The following PEX5L variants were observed in gnomAD, a reference collection of about 807,000 sequenced individuals.
PEX5L encodes peroxisomal biogenesis factor 5 like.
In PEX5L, 30 loss-of-function variants were observed where a neutral mutation model predicts 84.0. That is an observed-to-expected ratio of 0.36 (90% CI 0.27 to 0.48). The LOEUF is 0.48. PEX5L is among the 20% of genes least tolerant of loss of function. The pLI, the probability that PEX5L is intolerant of heterozygous loss-of-function variation, is 0.99. For missense variants in PEX5L, 533 were observed against 754.6 expected (o/e 0.71, Z 3.44); for synonymous variants, 270 against 283.1 (o/e 0.95, Z 0.46).
chr3:179,906,756 A>C (rs1040859979), intron 2 of PEX5L, among the ~76,000 whole-genome samples: 4 of 152,216 alleles, frequency 2.6e-5, no homozygotes, highest in African/African-American at 9.6e-5. Context: ...TGACTAAAAT[A>C]CAAAGATATA....
intron 7 of PEX5L, among the ~76,000 whole-genome samples, chr3:179,862,827 TA>T (rs569268957): frequency 2.0e-5 from 3 of 151,370 alleles, no homozygotes; most frequent in East Asian, 1.9e-4. Flanking sequence ...TCCACAGAAA[TA>T]AAAAAAAATC....
chr3:179,961,380 T>C (rs770651055), intron 2 of PEX5L, among the ~76,000 whole-genome samples: 11 of 149,824 alleles, frequency 7.3e-5, no homozygotes, highest in Non-Finnish European at 1.3e-4. Flanking sequence ...AAAAAACAGG[T>C]TTGCAAGAAC....
intron 2 of PEX5L, among the ~76,000 whole-genome samples, chr3:179,915,615 T>C (rs1253177442): frequency 6.6e-6 from 1 of 152,116 alleles, no homozygotes; most frequent in Non-Finnish European, 1.5e-5. Flanking sequence ...GTAGAGAGCA[T>C]TTTCTGACTT....
At chr3:179,992,469 A>G (rs1380926651) in intron 1 of PEX5L, among the ~76,000 whole-genome samples, 1 of 152,228 alleles carries the variant, frequency 6.6e-6, no homozygotes, top group African/African-American at 2.4e-5. Context: ...TTTAGCGGTT[A>G]GCATAATTAT....
At chr3:179,989,105 T>C (rs1406014682) in intron 1 of PEX5L, among the ~76,000 whole-genome samples, 2 of 152,158 alleles carry the variant, frequency 1.3e-5, no homozygotes, top group Non-Finnish European at 2.9e-5. Flanking sequence ...AAATCCGTGG[T>C]AGGGATAATT....
At chr3:179,985,261 A>G (rs964565176) in intron 1 of PEX5L, among the ~76,000 whole-genome samples, 4 of 152,232 alleles carry the variant, frequency 2.6e-5, no homozygotes, top group East Asian at 1.9e-4. Context: ...GCATAACAAC[A>G]TAACTCTGTA....
rs7618899 is a variant in PEX5L at position 180,029,280 on chromosome 3, C to T, written c.21+7299G>A. 3.1e-3 allele frequency among the ~76,000 whole-genome samples: 476 copies of T among 152,256 alleles called. 2 individuals are homozygous for T. The highest frequency in any genetic ancestry group is 0.011 in the African/African-American group (451 of 41,524). Reference sequence around the variant, plus strand: ...CTGACCTCAAGTGATCCACCTGACTCAGCCTCCCAAAGTGCTGGGATTAGA... The same window carrying T: ...CTGACCTCAAGTGATCCACCTGACTTAGCCTCCCAAAGTGCTGGGATTAGA... On this transcript the variant is annotated intron_variant, in intron 1 of 14. Transcript: ENST00000467460.
In PEX5L at chr3:179,807,668, C is replaced by G; in HGVS notation, c.1676+6G>C. ...CCTTCATCCTTGGCCTGTTGCTGTA[C>G]TTCACCTGTAGGCGCCCAGGTTGAT... On this transcript the variant is annotated splice_donor_region_variant and intron_variant, in intron 14 of 14. Coordinates refer to ENST00000467460, the MANE Select transcript of PEX5L (RefSeq NM_016559.3). 1.2e-6 allele frequency: 2 copies of G among 1,613,558 alleles called. No homozygotes were observed. The highest frequency in any genetic ancestry group is 1.6e-4 in the Middle Eastern group (1 of 6,062).
At chr3:180,021,675 C>T (rs1191439697) in intron 1 of PEX5L, among the ~76,000 whole-genome samples, 2 of 152,112 alleles carry the variant, frequency 1.3e-5, no homozygotes, top group African/African-American at 4.8e-5. Context: ...GTAGGCCTTA[C>T]GGAAGTTGGT....
At chr3:179,975,035 A>T (rs1284470358) in intron 1 of PEX5L, among the ~76,000 whole-genome samples, 2 of 152,066 alleles carry the variant, frequency 1.3e-5, no homozygotes, top group African/African-American at 2.4e-5. Context: ...CATCTCTATA[A>T]AAAATTAGCT....
chr3:179,951,339 T>C lies in PEX5L; in HGVS notation c.93+20255A>G, dbSNP rs140974472. On this transcript the variant is annotated intron_variant, in intron 2 of 14. Coordinates refer to ENST00000467460, the MANE Select transcript of PEX5L (RefSeq NM_016559.3). ...TGGTTTTCAGGTAGATATATTACCA[T>C]GCAGAATAAATGAGTCTATTTCCTA... Among the ~76,000 whole-genome samples, 340 of 152,230 alleles carry C rather than the reference T, an allele frequency of 2.2e-3. 3 individuals carry two copies. The highest frequency in any genetic ancestry group is 4.1e-3 in the Non-Finnish European group (279 of 67,992).
chr3:179,819,488 G>A (rs1293217561), intron 9 of PEX5L, among the ~76,000 whole-genome samples: 1 of 152,054 alleles, frequency 6.6e-6, no homozygotes, highest in Non-Finnish European at 1.5e-5. Flanking sequence ...TTCTGTTGTT[G>A]GTAAATCAAC....
In PEX5L at chr3:179,800,669, T is replaced by C. The variant is rs1718600614; in HGVS notation, c.*1159A>G. The stretch of plus-strand genomic sequence containing the variant: ...ATCACTGGCATTCAGTGAGATTTGG[T>C]TTGAAAGTGTTGCTCTTCTATCACT... On this transcript the variant is annotated 3_prime_UTR_variant, in exon 15 of 15. Coordinates refer to ENST00000467460, the MANE Select transcript of PEX5L (RefSeq NM_016559.3). The C allele has an allele frequency of 6.6e-6, 1 of 152,144 alleles. No homozygotes were observed. Among genetic ancestry groups the C allele is most frequent in the South Asian group, 2.1e-4 (1 of 4,822 alleles). The allele number at this position is 152,144 out of a possible 1,614,324, so 9.4% of individuals were successfully genotyped here. A position where few individuals can be genotyped will look rare whatever the true frequency, so the allele number is the denominator to read the frequency against.
intron 1 of PEX5L, among the ~76,000 whole-genome samples, chr3:180,015,564 C>T (rs1170403417): frequency 6.6e-6 from 1 of 152,038 alleles, no homozygotes; most frequent in East Asian, 1.9e-4. Context: ...TAAAACAAAG[C>T]AGTATCCCTG....
chr3:180,033,371 T>C (rs1791627295), intron 1 of PEX5L, among the ~76,000 whole-genome samples: 1 of 149,962 alleles, frequency 6.7e-6, no homozygotes, highest in Admixed American at 6.6e-5. Context: ...GATTTTTTGT[T>C]TGATTGCCTT....
intron 1 of PEX5L, among the ~76,000 whole-genome samples, chr3:180,007,816 C>T (rs949602912): frequency 6.6e-6 from 1 of 152,200 alleles, no homozygotes; most frequent in Non-Finnish European, 1.5e-5. Context: ...GGTTGGGACA[C>T]AGGCACCAAG....
intron 1 of PEX5L, among the ~76,000 whole-genome samples, chr3:179,994,032 G>A (rs1316667721): frequency 6.6e-6 from 1 of 152,088 alleles, no homozygotes; most frequent in African/African-American, 2.4e-5. Flanking sequence ...AATATATTAT[G>A]AGCCTTCTTC....
Position 179,875,427 on chromosome 3 carries a change from G to C in PEX5L, c.556C>G (p.Arg186Gly). 1.2e-6 allele frequency: 2 copies of C among 1,611,882 alleles called. No individual in the cohort carries two copies. Among genetic ancestry groups the C allele is most frequent in the Non-Finnish European group, 1.7e-6 (2 of 1,178,588 alleles). ...GCCATTGGATGTCCCTTGGTATTTC[G>C]ATCTCCATGAAACTTAACATCGTCC... is the stretch of plus-strand genomic sequence containing the variant. ...KWDDVKFHGD[R>G]NTKGHPMAER... is the part of the protein sequence containing the mutation. Residue 186 changes from arginine (R) to glycine (G), a missense_variant, in exon 6 of 15, where the codon CGA (arginine) becomes GGA (glycine). Around this residue, in one of 8 missense-constraint regions of PEX5L, gnomAD observed 259 missense variants for 301.7 expected, o/e 0.86. Transcript: ENST00000467460.
At chr3:179,882,157 C>T (rs941956097) in intron 4 of PEX5L, among the ~76,000 whole-genome samples, 1 of 152,184 alleles carries the variant, frequency 6.6e-6, no homozygotes, top group Non-Finnish European at 1.5e-5. Context: ...CATCTTTTTA[C>T]TAATTGTACA....
Sources: allele counts gnomAD v4.1 joint callset (sites outside exome capture counted in the v4.1 genomes callset), GRCh38; gene constraint gnomAD v4.1.1; regional missense constraint gnomAD v4.1.1; transcripts MANE v1.5; gene names NCBI Gene and HGNC (gene_info 2026-07-23, HGNC 2026-07-21).